Variants in CFAP299 observed in about 807,000 individuals in gnomAD.
The protein encoded by CFAP299 is cilia- and flagella-associated protein 299.
A neutral mutation model predicts 27.0 loss-of-function variants in CFAP299; 21 were observed. The observed-to-expected ratio is 0.78, with a 90% CI of 0.55 to 1.12. The LOEUF (loss-of-function observed/expected upper bound fraction) is 1.12. Among genes scored for constraint, CFAP299 ranks in the 50% most tolerant of loss-of-function variants. The pLI, the probability that CFAP299 is intolerant of heterozygous loss-of-function variation, is 0.00. For synonymous variants in CFAP299, 104 were observed against 98.1 expected, an observed-to-expected ratio of 1.06 and a Z score of -0.36; for missense variants, 310 against 276.6, an observed-to-expected ratio of 1.12 and a Z score of -0.86.
intron 3 of CFAP299, among the ~76,000 whole-genome samples, chr4:80,797,425 T>G (rs1349751668): frequency 6.6e-6 from 1 of 152,128 alleles, no homozygotes; most frequent in Non-Finnish European, 1.5e-5. Flanking sequence ...TGGAATAGGC[T>G]TCTATCAATT....
chr4:80,757,361 A>T (rs1725294456), intron 3 of CFAP299, among the ~76,000 whole-genome samples: 1 of 152,212 alleles, frequency 6.6e-6, no homozygotes, highest in Non-Finnish European at 1.5e-5. Flanking sequence ...AGTAATTTTA[A>T]AATTGTTTTT....
At chr4:80,940,449 T>C (rs1162293664) in intron 4 of CFAP299, among the ~76,000 whole-genome samples, 1 of 152,200 alleles carries the variant, frequency 6.6e-6, no homozygotes, top group African/African-American at 2.4e-5. Context: ...CCTTAGATGA[T>C]GTGGGTAAAG....
At chr4:80,674,597 G>C (rs913709319) in intron 3 of CFAP299, among the ~76,000 whole-genome samples, 1 of 152,096 alleles carries the variant, frequency 6.6e-6, no homozygotes, top group Non-Finnish European at 1.5e-5. Flanking sequence ...AGTTCTCCTG[G>C]ATAATATCCT....
At chr4:80,342,514 T>A (rs537706112) in intron 1 of CFAP299, among the ~76,000 whole-genome samples, 4 of 152,290 alleles carry the variant, frequency 2.6e-5, no homozygotes, top group African/African-American at 7.2e-5. Flanking sequence ...AGACCAATGT[T>A]CAACATTCTT....
rs77774025 is a variant in CFAP299, at chr4:80,738,500, C to T, written c.334-131493C>T. Among the ~76,000 whole-genome samples the T allele has an allele frequency of 1.9e-3, 282 of 152,108 alleles. 5 individuals carry two copies. The East Asian group carries it at 0.051, about 27-fold the overall frequency. Reference sequence around the variant, plus strand: ...TGTATAATGACCTTCTTTGTCTCCTCTTATAGTTTTTTTCTTGAAATCTGT... The same window carrying T: ...TGTATAATGACCTTCTTTGTCTCCTTTTATAGTTTTTTTCTTGAAATCTGT... On this transcript the variant is annotated intron_variant, in intron 3 of 5. Coordinates refer to ENST00000358105, the MANE Select transcript of CFAP299 (RefSeq NM_152770.3).
chr4:80,560,305 C>T (rs1442283260), intron 2 of CFAP299, among the ~76,000 whole-genome samples: 1 of 151,934 alleles, frequency 6.6e-6, no homozygotes, highest in Non-Finnish European at 1.5e-5. Context: ...TGAATACCAG[C>T]AGTGATACCC....
chr4:80,571,871 G>A (rs1735595253), intron 2 of CFAP299, among the ~76,000 whole-genome samples: 1 of 152,108 alleles, frequency 6.6e-6, no homozygotes, highest in Admixed American at 6.6e-5. Context: ...ACAAAACTGT[G>A]ATAAAATAAA....
At chr4:80,598,231 C>T (rs1194973291) in intron 3 of CFAP299, among the ~76,000 whole-genome samples, 1 of 152,164 alleles carries the variant, frequency 6.6e-6, no homozygotes, top group African/African-American at 2.4e-5. Flanking sequence ...AACGTATCAT[C>T]CCCAAATAGA....
At chr4:80,882,665 G>A (rs1014000930) in intron 4 of CFAP299, among the ~76,000 whole-genome samples, 1 of 151,744 alleles carries the variant, frequency 6.6e-6, no homozygotes, top group Admixed American at 6.6e-5. Flanking sequence ...AAAAAAAGTG[G>A]TAAGTAAAAA....
At chr4:80,619,918 A>G (rs1738487159) in intron 3 of CFAP299, among the ~76,000 whole-genome samples, 2 of 152,144 alleles carry the variant, frequency 1.3e-5, no homozygotes, top group Non-Finnish European at 2.9e-5. Context: ...TGATGAAATA[A>G]TCTTCAAAAT....
intron 3 of CFAP299, among the ~76,000 whole-genome samples, chr4:80,857,767 T>TGGTGGATAAGC (rs936200677): frequency 2.0e-5 from 3 of 152,218 alleles, no homozygotes; most frequent in Admixed American, 6.5e-5. Flanking sequence ...CACTTGATCA[T>TGGTGGATAAGC]GGTGGATAAG....
chr4:80,917,930 G>C (rs1735844515), intron 4 of CFAP299, among the ~76,000 whole-genome samples: 1 of 151,988 alleles, frequency 6.6e-6, no homozygotes, highest in Admixed American at 6.6e-5. Context: ...TACTCCAAAT[G>C]GTTTATATGT....
intron 2 of CFAP299, among the ~76,000 whole-genome samples, chr4:80,540,391 G>T (rs541348726): frequency 6.6e-6 from 1 of 152,176 alleles, no homozygotes; most frequent in African/African-American, 2.4e-5. Flanking sequence ...ATGAAGTAAA[G>T]AAATTGTAAG....
At chr4:80,602,821 T>C (rs999483532) in intron 3 of CFAP299, among the ~76,000 whole-genome samples, 14 of 152,090 alleles carry the variant, frequency 9.2e-5, no homozygotes, top group Non-Finnish European at 1.6e-4. Context: ...GCCTTATAAA[T>C]ACATGAGGCA....
chr4:80,383,238 T>A (rs746162146), intron 2 of CFAP299, among the ~76,000 whole-genome samples: 3 of 152,110 alleles, frequency 2.0e-5, no homozygotes, highest in Non-Finnish European at 4.4e-5. Context: ...TATTGGGTAC[T>A]AGGCTTAGTA....
At chr4:80,714,050 C>A (rs1320289052) in intron 3 of CFAP299, among the ~76,000 whole-genome samples, 1 of 152,108 alleles carries the variant, frequency 6.6e-6, no homozygotes, top group Non-Finnish European at 1.5e-5. Context: ...GCACTTCTTG[C>A]TTCTTCACCT....
chr4:80,349,376 C>T (rs1179770940), intron 1 of CFAP299, among the ~76,000 whole-genome samples: 2 of 152,142 alleles, frequency 1.3e-5, no homozygotes, highest in Non-Finnish European at 2.9e-5. Context: ...ACTACATATG[C>T]CATGTTTTAA....
intron 2 of CFAP299, among the ~76,000 whole-genome samples, chr4:80,414,252 A>C (rs932090633): frequency 1.3e-5 from 2 of 151,040 alleles, no homozygotes; most frequent in Non-Finnish European, 3.0e-5. Flanking sequence ...TTGTATTTTT[A>C]GTAGAGACGG....
At chr4:80,852,197 C>T (rs915110143) in intron 3 of CFAP299, among the ~76,000 whole-genome samples, 3 of 152,136 alleles carry the variant, frequency 2.0e-5, no homozygotes, top group Admixed American at 6.6e-5. Context: ...AGCACAAACA[C>T]ATTAAAATAA....
Sources: gnomAD v4.1 joint callset for allele counts (sites outside exome capture counted in the v4.1 genomes callset) on GRCh38, gnomAD v4.1.1 for gene constraint, MANE v1.5 for transcripts, NCBI Gene and HGNC (gene_info 2026-07-23, HGNC 2026-07-21) for gene names.